Variants in HLCS observed in about 807,000 individuals in gnomAD.
HLCS encodes holocarboxylase synthetase.
In HLCS, 53 loss-of-function variants were observed where a neutral mutation model predicts 75.0. The ratio of observed to expected loss-of-function variants is 0.71; its 90% CI spans 0.57 to 0.89. HLCS has a LOEUF of 0.89. HLCS is among the 40% of genes least tolerant of loss of function. The pLI is 0.00. For synonymous variants in HLCS, 431 were observed against 428.6 expected, an observed-to-expected ratio of 1.01 and a Z score of -0.07; for missense variants, 966 against 1,074.0, an observed-to-expected ratio of 0.90 and a Z score of 1.41.
intron 6 of HLCS, among the ~76,000 whole-genome samples, chr21:36,890,293 T>C (rs1330601893): frequency 1.3e-5 from 2 of 152,014 alleles, no homozygotes; most frequent in South Asian, 2.1e-4. Flanking sequence ...CTGACAATAG[T>C]GTGGAAAAGC....
chr21:36,913,308 C>T (rs981406131), intron 5 of HLCS, among the ~76,000 whole-genome samples: 2 of 152,130 alleles, frequency 1.3e-5, no homozygotes, highest in Admixed American at 1.3e-4. Flanking sequence ...TTAGGAAATG[C>T]CTATTTTCTA....
intron 1 of HLCS, among the ~76,000 whole-genome samples, chr21:36,979,295 A>C (rs966176461): frequency 6.6e-6 from 1 of 151,912 alleles, no homozygotes; most frequent in Admixed American, 6.6e-5. Flanking sequence ...AAAAGAAAGA[A>C]AGAAAAAAAC....
chr21:36,851,691 A>T (rs2063012913), intron 6 of HLCS, among the ~76,000 whole-genome samples: 1 of 152,252 alleles, frequency 6.6e-6, no homozygotes, highest in Non-Finnish European at 1.5e-5. Context: ...GATTGTTTGT[A>T]ACACAAAGGA....
chr21:36,843,712 G>C (rs1447518297), intron 6 of HLCS, among the ~76,000 whole-genome samples: 1 of 152,050 alleles, frequency 6.6e-6, no homozygotes, highest in East Asian at 1.9e-4. Flanking sequence ...CTTCTAAAAT[G>C]TCAAACTAGG....
chr21:36,782,727 T>C (rs1490560364), intron 6 of HLCS, among the ~76,000 whole-genome samples: 1 of 152,084 alleles, frequency 6.6e-6, no homozygotes, highest in Non-Finnish European at 1.5e-5. Context: ...CCAGCACTTT[T>C]GGAGGCCGAG....
chr21:36,853,047 C>A (rs909667552), intron 6 of HLCS, among the ~76,000 whole-genome samples: 8 of 152,152 alleles, frequency 5.3e-5, no homozygotes, highest in Admixed American at 1.3e-4. Context: ...GTTTTGGCTT[C>A]CTATGACTCA....
intron 8 of HLCS, among the ~76,000 whole-genome samples, chr21:36,763,798 C>T (rs1311869188): frequency 3.3e-5 from 5 of 152,152 alleles, no homozygotes; most frequent in African/African-American, 1.2e-4. Context: ...GAAAATGCTT[C>T]GGTCACTGAG....
intron 6 of HLCS, among the ~76,000 whole-genome samples, chr21:36,854,847 T>C (rs1047111675): frequency 1.1e-4 from 16 of 152,256 alleles, no homozygotes; most frequent in African/African-American, 3.9e-4. Flanking sequence ...TTGTTCACAA[T>C]GATCTGACTT....
chr21:36,983,296 C>T (rs1468536281), intron 1 of HLCS, among the ~76,000 whole-genome samples: 5 of 151,842 alleles, frequency 3.3e-5, no homozygotes, highest in South Asian at 2.1e-4. Flanking sequence ...CTGCAACCCC[C>T]GCCTCCTGGG....
intron 6 of HLCS, among the ~76,000 whole-genome samples, chr21:36,773,125 AT>A (rs2060258894): frequency 1.3e-5 from 2 of 152,130 alleles, no homozygotes; most frequent in South Asian, 4.1e-4. Flanking sequence ...ATTTTCCAAT[AT>A]TTTTATAATT....
chr21:36,953,051 G>A (rs947238499), intron 2 of HLCS, among the ~76,000 whole-genome samples: 2 of 152,158 alleles, frequency 1.3e-5, no homozygotes, highest in African/African-American at 4.8e-5. Context: ...ACAAAGTTCT[G>A]TACAATGAAA....
chr21:36,765,807 C>T (rs547912018), intron 7 of HLCS, among the ~76,000 whole-genome samples: 1 of 152,238 alleles, frequency 6.6e-6, no homozygotes, highest in African/African-American at 2.4e-5. Context: ...CCACCATTCC[C>T]AGGTAAGTTT....
At chr21:36,910,565 CT>C (rs1401924600) in intron 5 of HLCS, among the ~76,000 whole-genome samples, 4 of 151,720 alleles carry the variant, frequency 2.6e-5, no homozygotes, top group African/African-American at 4.8e-5. Flanking sequence ...AAAAATGGCG[CT>C]CCTGAAATAG....
At chr21:36,939,060 A>G in intron 2 of HLCS, 66 bp from the exon 3 acceptor site, 3 of 1,437,496 alleles carry the variant, frequency 2.1e-6, no homozygotes, top group Non-Finnish European at 2.8e-6. Flanking sequence ...CTCTAAAATA[A>G]CCACATACTT....
chr21:36,769,933 T>G (rs552751282), intron 6 of HLCS, among the ~76,000 whole-genome samples: 1 of 152,026 alleles, frequency 6.6e-6, no homozygotes. Context: ...CCTAAGAAAA[T>G]AGTCCACATT....
chr21:36,837,058 C>A (rs1165323502), intron 6 of HLCS, among the ~76,000 whole-genome samples: 8 of 152,128 alleles, frequency 5.3e-5, no homozygotes, highest in Non-Finnish European at 1.0e-4. Context: ...TGGCATGTGC[C>A]TGTAATCCCA....
chr21:36,888,448 ATATAT>A (rs1569149590), intron 6 of HLCS, among the ~76,000 whole-genome samples: 1,937 of 26,146 alleles, frequency 0.074, 130 homozygotes, highest in Non-Finnish European at 0.089. Flanking sequence ...AAAAAAAAAT[ATATAT>A]ATATATATAT....
At chr21:36,808,636 T>C (rs546208421) in intron 6 of HLCS, among the ~76,000 whole-genome samples, 1 of 152,320 alleles carries the variant, frequency 6.6e-6, no homozygotes, top group East Asian at 1.9e-4. Flanking sequence ...AAGACAGTGT[T>C]ATAATTTTTG....
chr21:36,807,354 A>C (rs1461912615), intron 6 of HLCS, among the ~76,000 whole-genome samples: 3 of 152,162 alleles, frequency 2.0e-5, no homozygotes, highest in Non-Finnish European at 4.4e-5. Flanking sequence ...ATGCTAGGCC[A>C]CATGTCAGCA....
Sources: gnomAD v4.1 joint callset for allele counts (sites outside exome capture counted in the v4.1 genomes callset) on GRCh38, gnomAD v4.1.1 for gene constraint, MANE v1.5 for transcripts, NCBI Gene and HGNC (gene_info 2026-07-23, HGNC 2026-07-21) for gene names.